Variants in GNAI2 observed in about 807,000 individuals in gnomAD.
GNAI2 encodes guanine nucleotide-binding protein G(i) subunit alpha-2.
A neutral mutation model predicts 36.8 loss-of-function variants in GNAI2; 4 were observed. The ratio of observed to expected loss-of-function variants is 0.11; its 90% CI spans 0.05 to 0.25. GNAI2 has a LOEUF of 0.25. Ranked by LOEUF, GNAI2 falls within the 10% of genes least tolerant of loss-of-function variation. GNAI2 has a pLI of 1.00. For synonymous variants in GNAI2, 194 were observed against 194.1 expected (o/e 1.00, Z 0.01); for missense variants, 230 against 481.3 (o/e 0.48, Z 4.89).
At chr3:50,256,634 C>A in intron 5 of GNAI2, 89 bp from the exon 6 acceptor site, 1 of 1,412,076 alleles carries the variant, frequency 7.1e-7, no homozygotes, top group Non-Finnish European at 9.9e-7. Flanking sequence ...TCTGGGCAGG[C>A]CTCTGTCCTC....
At chr3:50,233,860 T>C (rs1396453789), upstream of GNAI2, among the ~76,000 whole-genome samples, 1 of 151,296 alleles carries the variant, frequency 6.6e-6, no homozygotes. Context: ...AGCCTGGGGA[T>C]TGGGAGCTGG....
chr3:50,256,860 G>A lies in GNAI2; in HGVS notation c.723+8G>A. ...GCTGAGGACGAGGAGATGGTGAGAG[G>A]ATGAGAGAATGCTGCGGGTGGGGGC... On this transcript the variant is annotated splice_region_variant and intron_variant, in intron 6 of 8. Coordinates refer to ENST00000313601, the MANE Select transcript of GNAI2 (RefSeq NM_002070.4). 1 of 1,614,124 alleles carries A rather than the reference G, an allele frequency of 6.2e-7. No homozygotes were observed. Among genetic ancestry groups the A allele is most frequent in the Non-Finnish European group, 8.5e-7 (1 of 1,179,970 alleles).
chr3:50,236,546 G>A lies in GNAI2; in HGVS notation c.118+93G>A. On this transcript the variant is annotated intron_variant, in intron 1 of 8. Coordinates refer to ENST00000313601, the MANE Select transcript of GNAI2 (RefSeq NM_002070.4). The surrounding 1 kb of genome is among the most constrained non-coding windows in gnomAD (Gnocchi z 4.0). ...CCCAGACTAGGGCTTCAAACTCCCAGACCCGGGCTGTCTGGGACCCCACAC... is the reference window on the plus strand; with the variant it reads ...CCCAGACTAGGGCTTCAAACTCCCAAACCCGGGCTGTCTGGGACCCCACAC... 6.8e-7 allele frequency: 1 copy of A among 1,477,542 alleles called. No homozygotes were observed. Among genetic ancestry groups the A allele is most frequent in the Non-Finnish European group, 8.9e-7 (1 of 1,120,714 alleles). 91.5% of individuals were successfully genotyped at this position (1,477,542 alleles called of 1,614,324 possible). A position where few individuals can be genotyped will look rare whatever the true frequency, so the allele number is the denominator to read the frequency against.
chr3:50,247,140 A>T, intron 1 of GNAI2: 1 of 702,408 alleles, frequency 1.4e-6, no homozygotes, highest in Non-Finnish European at 2.6e-6. Flanking sequence ...CTGAATGCTC[A>T]CATGTGCCCC....
At chr3:50,234,628 T>C (rs1444342576), upstream of GNAI2, among the ~76,000 whole-genome samples, 1 of 152,144 alleles carries the variant, frequency 6.6e-6, no homozygotes, top group African/African-American at 2.4e-5. Flanking sequence ...GCTGGGATTA[T>C]AGGCATGAGC....
chr3:50,233,849 C>A (rs927979933), upstream of GNAI2, among the ~76,000 whole-genome samples: 2 of 151,520 alleles, frequency 1.3e-5, no homozygotes, highest in Non-Finnish European at 2.9e-5. Flanking sequence ...GGAGAACAGC[C>A]AGCCTGGGGA....
At chr3:50,239,457 G>A (rs782487557) in intron 1 of GNAI2, among the ~76,000 whole-genome samples, 2 of 152,234 alleles carry the variant, frequency 1.3e-5, no homozygotes, top group Non-Finnish European at 2.9e-5. Context: ...GGAGACTGCA[G>A]GGCAGGGCTA....
intron 1 of GNAI2, among the ~76,000 whole-genome samples, chr3:50,246,250 T>G (rs1393944387): frequency 1.3e-5 from 2 of 152,120 alleles, no homozygotes; most frequent in Non-Finnish European, 2.9e-5. Context: ...GACGGGCTGG[T>G]GGGTGGGACA....
At position 50,252,411 on chromosome 3, in the gene GNAI2, A is replaced by G; in HGVS notation, c.176A>G (p.Asp59Gly). Residue 59 changes from aspartate (D) to glycine (G), a missense_variant, in exon 3 of 9, where the codon GAT becomes GGT. Asp to Gly is a moderately conservative substitution (Grantham distance 94, BLOSUM62 -1). This residue lies in a region of GNAI2 where 132 missense variants were observed against 247.4 expected (regional missense o/e 0.53). Coordinates refer to ENST00000313601, the MANE Select transcript of GNAI2 (RefSeq NM_002070.4). The surrounding 1 kb of genome is among the most constrained non-coding windows in gnomAD (Gnocchi z 4.1). ...IVKQMKIIHE[D>G]GYSEEECRQY... ...CTGGCTATCAGGATCATCCACGAGG[A>G]TGGCTACTCCGAGGAGGAATGCCGG... 1 of 1,613,754 alleles carries G rather than the reference A, an allele frequency of 6.2e-7. No individual in the cohort carries two copies. Among genetic ancestry groups the G allele is most frequent in the Non-Finnish European group, 8.5e-7 (1 of 1,179,986 alleles).
chr3:50,237,815 G>A (rs1380332073), intron 1 of GNAI2, among the ~76,000 whole-genome samples: 5 of 152,166 alleles, frequency 3.3e-5, no homozygotes, highest in Non-Finnish European at 7.4e-5. Flanking sequence ...ACCGTTGTAG[G>A]CTGAGAAGTG....
At position 50,252,967 on chromosome 3, in the gene GNAI2, T is replaced by C; in HGVS notation, c.304-57T>C. 6.9e-7 allele frequency: 1 copy of C among 1,457,836 alleles called. No homozygotes were observed. 90.3% of individuals were successfully genotyped at this position (1,457,836 alleles called of 1,614,324 possible). On this transcript the variant is annotated intron_variant, in intron 3 of 8. Coordinates refer to ENST00000313601, the MANE Select transcript of GNAI2 (RefSeq NM_002070.4). This position sits in a 1 kb window ranked among gnomAD's most constrained non-coding sequence, Gnocchi z 4.1. ...GCCCCATTCCAGAGGTCTCCCTGCCTCTGGCAGAGTGGGGGTACATTCCTT... is the reference window on the plus strand; with the variant it reads ...GCCCCATTCCAGAGGTCTCCCTGCCCCTGGCAGAGTGGGGGTACATTCCTT...
chr3:50,238,339 T>C lies in GNAI2; in HGVS notation c.118+1886T>C, dbSNP rs1164381571. 1 of 152,248 alleles carries C rather than the reference T, an allele frequency of 6.6e-6. No homozygotes were observed. Among genetic ancestry groups the C allele is most frequent in the Non-Finnish European group, 1.5e-5 (1 of 68,094 alleles). 9.4% of individuals were successfully genotyped at this position (152,248 alleles called of 1,614,324 possible). A position where few individuals can be genotyped will look rare whatever the true frequency, so the allele number is the denominator to read the frequency against. ...GGGGGAACGCAGGGCTTCTGGCTAG[T>C]TTTGTGTCCCGACACCAGAAGGGTC... On this transcript the variant is annotated intron_variant, in intron 1 of 8. Coordinates refer to ENST00000313601, the MANE Select transcript of GNAI2 (RefSeq NM_002070.4). The surrounding 1 kb of genome is among the most constrained non-coding windows in gnomAD (Gnocchi z 5.0).
chr3:50,259,075 C>G lies in GNAI2; in HGVS notation c.*732C>G. 1 of 387,386 alleles carries G rather than the reference C, an allele frequency of 2.6e-6. No homozygotes were observed. The highest frequency in any genetic ancestry group is 5.0e-6 in the Non-Finnish European group (1 of 198,712). 24.0% of individuals were successfully genotyped at this position (387,386 alleles called of 1,614,324 possible). A position where few individuals can be genotyped will look rare whatever the true frequency, so the allele number is the denominator to read the frequency against. ...CGCCCCCGTGCGAGCGGCACCCCTG[C>G]CCTGCCCTCCACAGAATTGGGTTCC... On this transcript the variant is annotated 3_prime_UTR_variant, in exon 9 of 9. Coordinates refer to ENST00000313601, the MANE Select transcript of GNAI2 (RefSeq NM_002070.4).
chr3:50,252,669 G>C lies in GNAI2; in HGVS notation c.303+131G>C. On this transcript the variant is annotated intron_variant, in intron 3 of 8. Coordinates refer to ENST00000313601, the MANE Select transcript of GNAI2 (RefSeq NM_002070.4). This position sits in a 1 kb window ranked among gnomAD's most constrained non-coding sequence, Gnocchi z 4.1. ...GGTGGATCACCTGAGGTCAGGACCA[G>C]CCTGGCCAACTTGGTGAAACCGCGT... 1.3e-6 allele frequency: 1 copy of C among 743,334 alleles called. No homozygotes were observed. Among genetic ancestry groups the C allele is most frequent in the African/African-American group, 1.8e-5 (1 of 56,994 alleles). 46.0% of individuals were successfully genotyped at this position (743,334 alleles called of 1,614,324 possible). A position where few individuals can be genotyped will look rare whatever the true frequency, so the allele number is the denominator to read the frequency against.
upstream of GNAI2, chr3:50,228,941 TCCC>T (rs2109168655): frequency 6.6e-6 from 1 of 152,282 alleles, no homozygotes; most frequent in African/African-American, 2.4e-5. Flanking sequence ...AGGTCCCTCC[TCCC>T]CTATTACTCC....
chr3:50,241,469 C>T lies in GNAI2; in HGVS notation c.118+5016C>T, dbSNP rs1700298477. Among the ~76,000 whole-genome samples, 1 of 152,214 alleles carries T rather than the reference C, an allele frequency of 6.6e-6. No individual in the cohort carries two copies. The highest frequency in any genetic ancestry group is 1.5e-5 in the Non-Finnish European group (1 of 68,030). On this transcript the variant is annotated intron_variant, in intron 1 of 8. Transcript: ENST00000313601. The surrounding 1 kb of genome is among the most constrained non-coding windows in gnomAD (Gnocchi z 5.0). The stretch of plus-strand genomic sequence containing the variant: ...GTTCTGCTAGGCTCAGCCCCTGCCT[C>T]TCACGCCAGTGTCAGTGCAGCCAAC...
rs1480929685 is a variant in GNAI2 at position 50,256,654 on chromosome 3, A to C, written c.594-69A>C. 5.8e-6 allele frequency: 9 copies of C among 1,558,858 alleles called. No individual in the cohort carries two copies. In the African/African-American group the frequency reaches 1.2e-4, roughly 21 times the overall value. ...GCAGGCCTCTGTCCTCAGTCAGCCA[A>C]CCTGAGAAATGGGGTAGAAAGCCTC... is the stretch of plus-strand genomic sequence containing the variant. On this transcript the variant is annotated intron_variant, in intron 5 of 8. Coordinates refer to ENST00000313601, the MANE Select transcript of GNAI2 (RefSeq NM_002070.4).
chr3:50,250,305 C>A (rs1700523272), intron 1 of GNAI2, among the ~76,000 whole-genome samples: 1 of 152,130 alleles, frequency 6.6e-6, no homozygotes, highest in Non-Finnish European at 1.5e-5. Context: ...CACCTTCATC[C>A]TCTGAGGTTG....
intron 8 of GNAI2, 196 bp downstream of exon 8, chr3:50,257,910 C>T (rs192421002): frequency 8.2e-6 from 4 of 487,476 alleles, no homozygotes; most frequent in African/African-American, 5.8e-5. Flanking sequence ...TGGAGGAGGT[C>T]ATACAAGCAG....
Sources: allele counts gnomAD v4.1 joint callset (sites outside exome capture counted in the v4.1 genomes callset), GRCh38; gene constraint gnomAD v4.1.1; regional missense constraint gnomAD v4.1.1; non-coding constraint Gnocchi (gnomAD v3.1); transcripts MANE v1.5; gene names NCBI Gene and HGNC (gene_info 2026-07-23, HGNC 2026-07-21).